SYT1: variants seen among roughly 807,000 people sequenced by gnomAD.
SYT1 encodes the protein synaptotagmin 1.
A neutral mutation model predicts 44.8 loss-of-function variants in SYT1; 8 were observed. The observed-to-expected ratio is 0.18, with a 90% CI of 0.10 to 0.32. SYT1 has a LOEUF of 0.32. Ranked by LOEUF, SYT1 falls within the 10% of genes least tolerant of loss-of-function variation. The probability of loss-of-function intolerance (pLI) is 1.00; values close to 1 mark genes in which losing one functional copy is unlikely to be tolerated. For synonymous variants in SYT1, 154 were observed against 188.8 expected (o/e 0.82, Z 1.51); for missense variants, 286 against 509.3 (o/e 0.56, Z 4.22).
At chr12:78,988,421 T>TTA (rs112363125) in intron 2 of SYT1, among the ~76,000 whole-genome samples, 12,302 of 147,070 alleles carry the variant, frequency 0.084, 619 homozygotes, top group African/African-American at 0.14. Flanking sequence ...ATAATAAATA[T>TTA]TATATATATA....
chr12:79,233,303 T>G (rs1391545143), intron 4 of SYT1, among the ~76,000 whole-genome samples: 1 of 152,258 alleles, frequency 6.6e-6, no homozygotes, highest in Non-Finnish European at 1.5e-5. Context: ...TCATTTTACA[T>G]GATGATTGTT....
chr12:79,374,374 G>C (rs1373491440), intron 9 of SYT1, among the ~76,000 whole-genome samples: 1 of 152,044 alleles, frequency 6.6e-6, no homozygotes, highest in Non-Finnish European at 1.5e-5. Context: ...TTACCAAAGA[G>C]AAAAAGATGA....
At chr12:78,882,857 A>C (rs1302540715) in intron 1 of SYT1, among the ~76,000 whole-genome samples, 2 of 151,646 alleles carry the variant, frequency 1.3e-5, no homozygotes, top group African/African-American at 4.8e-5. Flanking sequence ...TTTTCTCTGA[A>C]TCATGGCATC....
At chr12:78,913,121 A>G (rs1876437654) in intron 1 of SYT1, among the ~76,000 whole-genome samples, 2 of 151,830 alleles carry the variant, frequency 1.3e-5, no homozygotes, top group Admixed American at 1.3e-4. Context: ...CTTATGAAGA[A>G]GGCTTATTTT....
At chr12:79,003,567 G>A (rs1258938418) in intron 2 of SYT1, among the ~76,000 whole-genome samples, 1 of 151,988 alleles carries the variant, frequency 6.6e-6, no homozygotes, top group Non-Finnish European at 1.5e-5. Flanking sequence ...AGTAAATAAT[G>A]TAGTAGTAAA....
At chr12:79,430,990 A>AAATG (rs1869743694) in intron 9 of SYT1, among the ~76,000 whole-genome samples, 1 of 152,384 alleles carries the variant, frequency 6.6e-6, no homozygotes, top group South Asian at 2.1e-4. Context: ...GTGAGTGAAT[A>AAATG]AATGAATGAA....
intron 2 of SYT1, among the ~76,000 whole-genome samples, chr12:79,029,564 C>T (rs1177416623): frequency 6.6e-6 from 1 of 151,064 alleles, no homozygotes; most frequent in African/African-American, 2.4e-5. Context: ...TTTAGCATCA[C>T]TTGTGAAATT....
At chr12:79,171,892 A>G (rs556692307) in intron 3 of SYT1, among the ~76,000 whole-genome samples, 2 of 152,148 alleles carry the variant, frequency 1.3e-5, no homozygotes, top group Admixed American at 6.6e-5. Flanking sequence ...GCATGTTGAG[A>G]AAGCACTTAC....
At chr12:78,970,869 C>T (rs1296280320) in intron 1 of SYT1, among the ~76,000 whole-genome samples, 2 of 152,074 alleles carry the variant, frequency 1.3e-5, no homozygotes, top group Non-Finnish European at 2.9e-5. Context: ...CTATTATACC[C>T]ATTGTTTTTG....
intron 3 of SYT1, among the ~76,000 whole-genome samples, chr12:79,198,387 T>C (rs1160783698): frequency 6.6e-6 from 1 of 152,208 alleles, no homozygotes; most frequent in Non-Finnish European, 1.5e-5. Flanking sequence ...ATTTCTGTTT[T>C]ATTATTCTTC....
chr12:79,285,784 C>T lies in SYT1; in HGVS notation c.167-3C>T, dbSNP rs1270029599. 6.3e-7 allele frequency: 1 copy of T among 1,596,834 alleles called. No homozygotes were observed. The highest frequency in any genetic ancestry group is 2.2e-5 in the East Asian group (1 of 44,648). ...ACTAGTGCTCTCTGTGTGTTTCTTT[C>T]AGTGCCACCGTGGGCCTTAATTGCA... is the stretch of plus-strand genomic sequence containing the variant. On this transcript the variant is annotated splice_polypyrimidine_tract_variant and splice_region_variant and intron_variant, in intron 4 of 10. Coordinates refer to ENST00000261205, the MANE Select transcript of SYT1 (RefSeq NM_005639.3).
intron 8 of SYT1, among the ~76,000 whole-genome samples, chr12:79,349,127 TAGGAAGGAAG>T (rs1565920067): frequency 9.9e-6 from 1 of 100,714 alleles, no homozygotes; most frequent in Non-Finnish European, 2.0e-5. Flanking sequence ...GGGAGGAAGG[TAGGAAGGAAG>T]AGGAAGGAAG....
intron 3 of SYT1, among the ~76,000 whole-genome samples, chr12:79,187,330 G>A (rs1484196113): frequency 6.6e-6 from 1 of 152,100 alleles, no homozygotes; most frequent in Non-Finnish European, 1.5e-5. Flanking sequence ...TGCTCAGAGA[G>A]CACTGGAATA....
intron 9 of SYT1, among the ~76,000 whole-genome samples, chr12:79,381,518 G>C (rs1394051231): frequency 6.6e-6 from 1 of 152,218 alleles, no homozygotes; most frequent in Non-Finnish European, 1.5e-5. Context: ...TGAAGGATTT[G>C]AATTCTGAAT....
intron 1 of SYT1, among the ~76,000 whole-genome samples, chr12:78,900,611 A>T (rs76809175): frequency 0.082 from 12,522 of 152,110 alleles, 608 homozygotes; most frequent in African/African-American, 0.13. Context: ...AAGGCACATT[A>T]GAGTGGAGCA....
chr12:79,394,100 A>G (rs1205235787), intron 9 of SYT1, among the ~76,000 whole-genome samples: 1 of 152,224 alleles, frequency 6.6e-6, no homozygotes, highest in Non-Finnish European at 1.5e-5. Context: ...TAAAGACATA[A>G]TATGTCATTT....
intron 1 of SYT1, among the ~76,000 whole-genome samples, chr12:78,956,899 C>T (rs1435753239): frequency 6.6e-6 from 1 of 152,058 alleles, no homozygotes; most frequent in Non-Finnish European, 1.5e-5. Context: ...CCTTTCCTGA[C>T]TTGAAAAAGA....
intron 3 of SYT1, among the ~76,000 whole-genome samples, chr12:79,148,439 T>C (rs1169128829): frequency 6.6e-6 from 1 of 152,192 alleles, no homozygotes; most frequent in Non-Finnish European, 1.5e-5. Context: ...TTGACACTTT[T>C]AATTTCAGGA....
chr12:79,263,828 A>T (rs957798963), intron 4 of SYT1, among the ~76,000 whole-genome samples: 1 of 152,212 alleles, frequency 6.6e-6, no homozygotes, highest in African/African-American at 2.4e-5. Context: ...CAAAACCACC[A>T]AAAGAAAACA....
Sources: gnomAD v4.1 joint callset for allele counts (sites outside exome capture counted in the v4.1 genomes callset) on GRCh38, gnomAD v4.1.1 for gene constraint, MANE v1.5 for transcripts, NCBI Gene and HGNC (gene_info 2026-07-23, HGNC 2026-07-21) for gene names.